Variants in ARFGEF3 observed in about 807,000 individuals in gnomAD.
ARFGEF3 encodes the protein brefeldin A-inhibited guanine nucleotide-exchange protein 3.
In ARFGEF3, 96 loss-of-function variants were observed where a neutral mutation model predicts 221.7. The ratio of observed to expected loss-of-function variants is 0.43; its 90% CI spans 0.37 to 0.51. ARFGEF3 has a LOEUF of 0.51. Among genes scored for constraint, ARFGEF3 ranks in the 20% least tolerant of loss-of-function variants. The pLI, the probability that ARFGEF3 is intolerant of heterozygous loss-of-function variation, is 0.00. For synonymous variants in ARFGEF3, 1,145 were observed against 1,126.8 expected (o/e 1.02, Z -0.32); for missense variants, 2,410 against 2,789.9 (o/e 0.86, Z 3.07).
In ARFGEF3 at chr6:138,335,185, C is replaced by T; in HGVS notation, c.6339C>T (p.Ile2113=). Residue 2113 remains isoleucine, a synonymous_variant, in exon 33 of 34, where the codon ATC becomes ATT. Coordinates refer to ENST00000251691, the MANE Select transcript of ARFGEF3 (RefSeq NM_020340.5). The part of the protein sequence containing the change: ...SVSVRDAEAQ[I]QAWTNMVLTV... ...CGGTGAGAGACGCAGAAGCACAGATCCAGGTACATCCCTGTGGCCACAGCA... is the reference window on the plus strand; with the variant it reads ...CGGTGAGAGACGCAGAAGCACAGATTCAGGTACATCCCTGTGGCCACAGCA... 6.5e-7 allele frequency: 1 copy of T among 1,533,650 alleles called. No individual in the cohort carries two copies. Among genetic ancestry groups the T allele is most frequent in the East Asian group, 2.3e-5 (1 of 44,198 alleles).
At chr6:138,326,366 T>A (rs908590560) in intron 31 of ARFGEF3, among the ~76,000 whole-genome samples, 2 of 152,188 alleles carry the variant, frequency 1.3e-5, no homozygotes, top group Admixed American at 1.3e-4. Context: ...GAGGATTGCT[T>A]GAGCCCAGGA....
intron 2 of ARFGEF3, among the ~76,000 whole-genome samples, chr6:138,174,337 C>CT (rs1776895006): frequency 6.6e-6 from 1 of 151,848 alleles, no homozygotes; most frequent in Non-Finnish European, 1.5e-5. Flanking sequence ...CAGTAATGGG[C>CT]TTTTCCCCCT....
rs1424503208 is a variant in ARFGEF3 at position 138,286,922 on chromosome 6, A to G, written c.2785+6A>G. On this transcript the variant is annotated splice_donor_region_variant and intron_variant, in intron 16 of 33. Transcript: ENST00000251691. ...ACGGCTGAGCTGCGCTCTAGGTACC[A>G]GCGGGAGTAGTGTTCCCTGGCCGTG... 1.2e-6 allele frequency: 2 copies of G among 1,612,482 alleles called. No individual in the cohort carries two copies. The highest frequency in any genetic ancestry group is 1.3e-5 in the African/African-American group (1 of 75,034).
intron 11 of ARFGEF3, 119 bp from the exon 12 acceptor site, chr6:138,262,582 A>T: frequency 9.6e-7 from 1 of 1,037,544 alleles, no homozygotes; most frequent in Non-Finnish European, 1.4e-6. Flanking sequence ...TGTTTTATTC[A>T]AATCAGACTA....
chr6:138,194,984 C>T (rs920551395), intron 2 of ARFGEF3, among the ~76,000 whole-genome samples: 2 of 140,374 alleles, frequency 1.4e-5, no homozygotes, highest in Non-Finnish European at 3.1e-5. Flanking sequence ...TTCACCTTTT[C>T]CCTAATTTTT....
chr6:138,221,023 G>A (rs1327705058), intron 4 of ARFGEF3, among the ~76,000 whole-genome samples: 1 of 152,216 alleles, frequency 6.6e-6, no homozygotes. Flanking sequence ...TTCTTTTGCT[G>A]ATCCCAGCTG....
chr6:138,318,487 G>A lies in ARFGEF3; in HGVS notation c.4474+1108G>A, dbSNP rs1779965672. ...GGTAAAAGCATGTAAATATTCTGCA[G>A]GCGTTAAAATTAATATTTGTGAATA... On this transcript the variant is annotated intron_variant, in intron 27 of 33. Coordinates refer to ENST00000251691, the MANE Select transcript of ARFGEF3 (RefSeq NM_020340.5). Among the ~76,000 whole-genome samples the A allele has an allele frequency of 3.3e-5, 5 of 152,240 alleles. No homozygotes were observed. In the South Asian group the frequency reaches 1.0e-3, roughly 32 times the overall value.
chr6:138,261,441 C>G (rs1230359418), intron 10 of ARFGEF3, 86 bp from the exon 11 acceptor site: 2 of 727,544 alleles, frequency 2.7e-6, no homozygotes. Flanking sequence ...AGGGAAAGTA[C>G]ATGTTTTTTT....
In ARFGEF3 at chr6:138,340,821, T is replaced by C. The variant is rs1355645366; in HGVS notation, c.*4335T>C. 2 of 152,090 alleles carry C rather than the reference T, an allele frequency of 1.3e-5. No individual in the cohort carries two copies. Among genetic ancestry groups the C allele is most frequent in the Admixed American group, 6.5e-5 (1 of 15,272 alleles). The allele number at this position is 152,090 out of a possible 1,614,324, so 9.4% of individuals were successfully genotyped here. A position where few individuals can be genotyped will look rare whatever the true frequency, so the allele number is the denominator to read the frequency against. ...AGTCCATAGAGTAAGCACTCTAGTATGAAAAAAAGTTTCAAGGAACGAGGC... is the reference window on the plus strand; with the variant it reads ...AGTCCATAGAGTAAGCACTCTAGTACGAAAAAAAGTTTCAAGGAACGAGGC... On this transcript the variant is annotated 3_prime_UTR_variant, in exon 34 of 34. Transcript: ENST00000251691.
intron 8 of ARFGEF3, among the ~76,000 whole-genome samples, chr6:138,248,720 G>T (rs777254085): frequency 2.0e-5 from 3 of 152,102 alleles, no homozygotes; most frequent in Non-Finnish European, 2.9e-5. Context: ...CAGCTACTAG[G>T]GGGGCTGAGG....
chr6:138,268,664 G>T (rs763358992), intron 12 of ARFGEF3, among the ~76,000 whole-genome samples: 1 of 152,214 alleles, frequency 6.6e-6, no homozygotes, highest in East Asian at 1.9e-4. Flanking sequence ...ATAGAACAAA[G>T]TGACGTCTGT....
chr6:138,163,779 G>A (rs1235364428), intron 1 of ARFGEF3, among the ~76,000 whole-genome samples: 3 of 152,176 alleles, frequency 2.0e-5, no homozygotes, highest in Non-Finnish European at 4.4e-5. Flanking sequence ...TCCTTTCCCA[G>A]TGATTGTTCT....
intron 3 of ARFGEF3, among the ~76,000 whole-genome samples, chr6:138,207,474 A>G (rs1162721297): frequency 6.6e-6 from 1 of 152,216 alleles, no homozygotes; most frequent in African/African-American, 2.4e-5. Context: ...TACTTTCAAC[A>G]TCTATGGTTC....
Position 138,238,634 on chromosome 6 carries a change from G to A in ARFGEF3, c.543+3G>A, listed in dbSNP as rs767828216. The A allele has an allele frequency of 9.3e-6, 15 of 1,613,054 alleles. No homozygotes were observed. Among genetic ancestry groups the A allele is most frequent in the Non-Finnish European group, 1.1e-5 (13 of 1,179,498 alleles). ...TACGACAGAGGCAGGAGAATACGGT[G>A]AGTCTGTGACACCCCCATGTTCATC... is the stretch of plus-strand genomic sequence containing the variant. On this transcript the variant is annotated splice_donor_region_variant and intron_variant, in intron 6 of 33. Transcript: ENST00000251691.
rs563105190 is a variant in ARFGEF3 at position 138,313,515 on chromosome 6, A to G, written c.4201-280A>G. ...ATGGTTCCTTCGGTAGGTTTATAAA[A>G]GTCTATAGAACTCATATGTAATTAA... On this transcript the variant is annotated intron_variant, in intron 25 of 33. Transcript: ENST00000251691. Among the ~76,000 whole-genome samples, 17 of 152,356 alleles carry G rather than the reference A, an allele frequency of 1.1e-4. No individual in the cohort carries two copies. In the South Asian group the frequency reaches 3.5e-3, roughly 32 times the overall value.
chr6:138,332,614 G>A (rs1468200096), intron 32 of ARFGEF3, among the ~76,000 whole-genome samples: 1 of 152,114 alleles, frequency 6.6e-6, no homozygotes, highest in Non-Finnish European at 1.5e-5. Context: ...TGGGAAAATG[G>A]AGAGTTGTTG....
intron 1 of ARFGEF3, among the ~76,000 whole-genome samples, chr6:138,163,179 G>A (rs953902400): frequency 6.6e-6 from 1 of 152,218 alleles, no homozygotes. Context: ...GAGTGGTTTA[G>A]GTGACTCTTA....
chr6:138,234,984 A>G (rs879569184), intron 5 of ARFGEF3, among the ~76,000 whole-genome samples: 2 of 152,142 alleles, frequency 1.3e-5, no homozygotes, highest in Admixed American at 6.5e-5. Flanking sequence ...CTTCTTTAAT[A>G]TTTGTGATCC....
At chr6:138,242,136 C>G (rs1469611566) in intron 6 of ARFGEF3, among the ~76,000 whole-genome samples, 1 of 152,130 alleles carries the variant, frequency 6.6e-6, no homozygotes, top group Non-Finnish European at 1.5e-5. Context: ...GTGCCTGTAG[C>G]AAGTTTAAAA....
Sources: gnomAD v4.1 joint callset for allele counts (sites outside exome capture counted in the v4.1 genomes callset) on GRCh38, gnomAD v4.1.1 for gene constraint, MANE v1.5 for transcripts, NCBI Gene and HGNC (gene_info 2026-07-23, HGNC 2026-07-21) for gene names.